The following TRPC6 variants were observed in gnomAD, a reference collection of about 807,000 sequenced individuals.
The protein encoded by TRPC6 is short transient receptor potential channel 6.
A neutral mutation model predicts 90.7 loss-of-function variants in TRPC6; 55 were observed. The ratio of observed to expected loss-of-function variants is 0.61; its 90% confidence interval spans 0.49 to 0.76. TRPC6 has a LOEUF of 0.76. Among genes scored for constraint, TRPC6 ranks in the 30% least tolerant of loss-of-function variants. The probability of loss-of-function intolerance (pLI) is 0.00; values close to 1 mark genes in which losing one functional copy is unlikely to be tolerated. For missense variants in TRPC6, 989 were observed against 1,122.7 expected, an observed-to-expected ratio of 0.88 and a Z score of 1.70; for synonymous variants, 393 against 393.0, an observed-to-expected ratio of 1.00 and a Z score of 0.00.
intron 1 of TRPC6, among the ~76,000 whole-genome samples, chr11:101,570,917 T>C (rs1426964389): frequency 2.0e-5 from 3 of 152,182 alleles, no homozygotes; most frequent in African/African-American, 7.2e-5. Context: ...AATATCATAC[T>C]GAATGGGCAA....
At chr11:101,564,468 T>C (rs1286815994) in intron 1 of TRPC6, among the ~76,000 whole-genome samples, 1 of 152,182 alleles carries the variant, frequency 6.6e-6, no homozygotes, top group Non-Finnish European at 1.5e-5. Context: ...CTTTCTATTG[T>C]GCTAGTTAAT....
intron 10 of TRPC6, among the ~76,000 whole-genome samples, chr11:101,461,205 T>C (rs1858996737): frequency 6.6e-6 from 1 of 152,220 alleles, no homozygotes; most frequent in Admixed American, 6.5e-5. Flanking sequence ...AGTTTTCTTA[T>C]GTGATATGTG....
intron 1 of TRPC6, among the ~76,000 whole-genome samples, chr11:101,518,491 G>A (rs1258090706): frequency 6.6e-6 from 1 of 152,154 alleles, no homozygotes; most frequent in Non-Finnish European, 1.5e-5. Context: ...ATACTACAAT[G>A]AGATGTCATC....
chr11:101,553,995 T>A (rs998751433), intron 1 of TRPC6, among the ~76,000 whole-genome samples: 1 of 152,132 alleles, frequency 6.6e-6, no homozygotes, highest in African/African-American at 2.4e-5. Flanking sequence ...ATGCTTTAAA[T>A]GCTATGCTAG....
chr11:101,495,912 C>T (rs920459594), intron 2 of TRPC6, among the ~76,000 whole-genome samples: 1 of 152,034 alleles, frequency 6.6e-6, no homozygotes, highest in African/African-American at 2.4e-5. Flanking sequence ...GCAATAGAAG[C>T]ATTGACACTC....
chr11:101,527,336 T>C (rs77797358), intron 1 of TRPC6, among the ~76,000 whole-genome samples: 1 of 152,198 alleles, frequency 6.6e-6, no homozygotes, highest in South Asian at 2.1e-4. Context: ...AATCACTATA[T>C]TTAATTATAA....
chr11:101,465,307 G>T (rs766997836), intron 10 of TRPC6, among the ~76,000 whole-genome samples: 13 of 151,996 alleles, frequency 8.6e-5, no homozygotes, highest in Non-Finnish European at 1.5e-4. Context: ...GGTGGTCTTT[G>T]TATTTCCTGA....
intron 8 of TRPC6, 126 bp from the exon 9 acceptor site, chr11:101,471,512 C>A: frequency 9.9e-7 from 1 of 1,011,590 alleles, no homozygotes; most frequent in Non-Finnish European, 1.5e-6. Context: ...GTGATCGTTC[C>A]AAGATTTTTT....
At chr11:101,491,129 G>T (rs762422107) in intron 3 of TRPC6, among the ~76,000 whole-genome samples, 8 of 152,148 alleles carry the variant, frequency 5.3e-5, no homozygotes, top group Non-Finnish European at 8.8e-5. Flanking sequence ...ATTTGTTAGA[G>T]AATCTGCCTA....
Position 101,472,136 on chromosome 11 carries a change from C to A in TRPC6, c.2205+1G>T. The A allele has an allele frequency of 6.2e-7, 1 of 1,609,996 alleles. No homozygotes were observed. Among genetic ancestry groups the A allele is most frequent in the Non-Finnish European group, 8.5e-7 (1 of 1,178,232 alleles). On this transcript the variant is annotated splice_donor_variant, in intron 8 of 12. Transcript: ENST00000344327. LOFTEE classifies it high-confidence loss of function. ...ATTATAAAAATGTATTGAGATTATACCTCAATTTCCTGGAATGAACTGTTG... is the reference window on the plus strand; with the variant it reads ...ATTATAAAAATGTATTGAGATTATAACTCAATTTCCTGGAATGAACTGTTG...
At chr11:101,521,050 G>A (rs1860647103) in intron 1 of TRPC6, among the ~76,000 whole-genome samples, 1 of 152,176 alleles carries the variant, frequency 6.6e-6, no homozygotes, top group Non-Finnish European at 1.5e-5. Context: ...CATTTTTCAG[G>A]AGAGGAATTA....
intron 1 of TRPC6, among the ~76,000 whole-genome samples, chr11:101,548,476 A>ATATATATCTC (rs1555011220): frequency 3.6e-5 from 4 of 112,142 alleles, no homozygotes; most frequent in Admixed American, 2.0e-4. Flanking sequence ...ATATATATAT[A>ATATATATCTC]TCTCTCTCTC....
intron 1 of TRPC6, among the ~76,000 whole-genome samples, chr11:101,545,099 TAC>T (rs527868972): frequency 2.0e-5 from 3 of 152,198 alleles, no homozygotes; most frequent in Admixed American, 1.3e-4. Context: ...TTAGTCTTTA[TAC>T]ACACACACAT....
intron 4 of TRPC6, among the ~76,000 whole-genome samples, chr11:101,484,450 A>G (rs1400471927): frequency 6.6e-6 from 1 of 152,136 alleles, no homozygotes; most frequent in African/African-American, 2.4e-5. Context: ...GGTGTTCTCT[A>G]TTTCCCTACC....
chr11:101,508,205 T>G (rs11224807), intron 1 of TRPC6, among the ~76,000 whole-genome samples: 15,268 of 152,160 alleles, frequency 0.1, 886 homozygotes, highest in East Asian at 0.16. Flanking sequence ...CTTTTTTATG[T>G]TTGTTTGCTT....
intron 1 of TRPC6, among the ~76,000 whole-genome samples, chr11:101,581,609 C>T (rs1284972346): frequency 9.4e-6 from 1 of 106,512 alleles, no homozygotes; most frequent in Non-Finnish European, 2.0e-5. Context: ...CCTCAGACAT[C>T]GGAGATCTCA....
intron 1 of TRPC6, among the ~76,000 whole-genome samples, chr11:101,507,394 T>C (rs1860300212): frequency 6.6e-6 from 1 of 151,990 alleles, no homozygotes; most frequent in Non-Finnish European, 1.5e-5. Context: ...TGCATGTATG[T>C]TCTCTTTGAA....
chr11:101,501,610 G>A (rs958372212), intron 2 of TRPC6, among the ~76,000 whole-genome samples: 4 of 151,990 alleles, frequency 2.6e-5, no homozygotes, highest in Admixed American at 6.6e-5. Context: ...ACACACAAAG[G>A]CAAGGGAGGC....
At chr11:101,461,734 A>C (rs1859009379) in intron 10 of TRPC6, among the ~76,000 whole-genome samples, 1 of 152,130 alleles carries the variant, frequency 6.6e-6, no homozygotes, top group Non-Finnish European at 1.5e-5. Flanking sequence ...GCAGGTACCA[A>C]AACTATAGAA....
Sources: allele counts gnomAD v4.1 joint callset (sites outside exome capture counted in the v4.1 genomes callset), GRCh38; gene constraint gnomAD v4.1.1; transcripts MANE v1.5; gene names NCBI Gene and HGNC (gene_info 2026-07-23, HGNC 2026-07-21).